DLC1: variants seen among roughly 807,000 people sequenced by gnomAD.
DLC1 encodes rho GTPase-activating protein 7.
DLC1 carries 54 observed loss-of-function variants against 140.3 expected under a neutral mutation model. The observed-to-expected ratio is 0.38, with a 90% CI of 0.31 to 0.48. The LOEUF is 0.48. Ranked by LOEUF, DLC1 falls within the 20% of genes least tolerant of loss-of-function variation. The probability of loss-of-function intolerance (pLI) is 0.96; values close to 1 mark genes in which losing one functional copy is unlikely to be tolerated. For synonymous variants in DLC1, 986 were observed against 728.1 expected, an observed-to-expected ratio of 1.35 and a Z score of -5.70; for missense variants, 2,536 against 1,907.0, an observed-to-expected ratio of 1.33 and a Z score of -6.14.
chr8:13,333,957 C>A (rs1833707606), intron 4 of DLC1, among the ~76,000 whole-genome samples: 1 of 152,112 alleles, frequency 6.6e-6, no homozygotes, highest in Admixed American at 6.5e-5. Context: ...TTTGAAAAGC[C>A]CCTTTGCTCA....
At chr8:13,161,813 G>A (rs187649296) in intron 5 of DLC1, among the ~76,000 whole-genome samples, 3 of 152,220 alleles carry the variant, frequency 2.0e-5, no homozygotes, top group African/African-American at 7.2e-5. Flanking sequence ...TGTGCAATGC[G>A]AACTCATGTT....
intron 14 of DLC1, 89 bp from the exon 15 acceptor site, chr8:13,090,559 T>C (rs1817970208): frequency 1.4e-6 from 2 of 1,471,184 alleles, no homozygotes; most frequent in African/African-American, 1.4e-5. Context: ...GTAGGAACAA[T>C]GGCCTGGTCC....
At chr8:13,194,347 G>A (rs1826931020) in intron 5 of DLC1, among the ~76,000 whole-genome samples, 1 of 152,196 alleles carries the variant, frequency 6.6e-6, no homozygotes, top group Non-Finnish European at 1.5e-5. Context: ...TGAGTGGGCA[G>A]CTATGAATCA....
At chr8:13,102,731 A>T (rs1411509833) in intron 8 of DLC1, 59 bp downstream of exon 8, 21 of 1,436,850 alleles carry the variant, frequency 1.5e-5, no homozygotes, top group Non-Finnish European at 2.1e-5. Flanking sequence ...AAAACACATC[A>T]TTCACTTTTT....
intron 1 of DLC1, among the ~76,000 whole-genome samples, chr8:13,568,802 G>C (rs1012036804): frequency 1.3e-5 from 2 of 152,304 alleles, no homozygotes; most frequent in South Asian, 4.1e-4. Flanking sequence ...ATGTAAAGAT[G>C]ATTTAGTCAT....
intron 5 of DLC1, among the ~76,000 whole-genome samples, chr8:13,273,983 C>T (rs944152554): frequency 6.6e-6 from 1 of 152,096 alleles, no homozygotes; most frequent in Non-Finnish European, 1.5e-5. Context: ...TTAAAAAACA[C>T]TTTTTACCTG....
At chr8:13,129,716 G>A (rs1047113368) in intron 5 of DLC1, among the ~76,000 whole-genome samples, 5 of 152,216 alleles carry the variant, frequency 3.3e-5, no homozygotes, top group Non-Finnish European at 7.3e-5. Context: ...GCATGATGTG[G>A]GTCTGGATGC....
chr8:13,313,619 AG>A, intron 4 of DLC1, among the ~76,000 whole-genome samples: 1 of 152,206 alleles, frequency 6.6e-6, no homozygotes, highest in East Asian at 1.9e-4. Context: ...GAGATTAAAA[AG>A]CAACTACTGT....
chr8:13,097,099 AC>A (rs1209865498), intron 10 of DLC1, among the ~76,000 whole-genome samples: 58 of 152,176 alleles, frequency 3.8e-4, no homozygotes, highest in Non-Finnish European at 7.2e-4. Context: ...AACAATTTGT[AC>A]AATGCATTTC....
chr8:13,372,443 C>T (rs574485149), intron 4 of DLC1, among the ~76,000 whole-genome samples: 120 of 152,226 alleles, frequency 7.9e-4, no homozygotes, highest in Admixed American at 7.8e-3. Context: ...ACTAGCACTC[C>T]AAGAAAATGT....
chr8:13,088,785 C>T (rs1441897551), intron 15 of DLC1, 81 bp from the exon 16 acceptor site: 2 of 1,208,218 alleles, frequency 1.7e-6, no homozygotes, highest in East Asian at 4.7e-5. Context: ...GTTAGACTAA[C>T]AATTTTAGTT....
intron 1 of DLC1, among the ~76,000 whole-genome samples, chr8:13,575,916 A>G (rs1258114511): frequency 2.6e-5 from 4 of 152,218 alleles, no homozygotes; most frequent in African/African-American, 4.8e-5. Flanking sequence ...TATTTTGAGT[A>G]TCTGTGTGGC....
At chr8:13,092,876 T>A (rs1407146667) in intron 12 of DLC1, 51 bp from the exon 13 acceptor site, 2 of 1,568,200 alleles carry the variant, frequency 1.3e-6, no homozygotes, top group East Asian at 4.6e-5. Flanking sequence ...TGCATGGACA[T>A]TGCAAGGAAA....
intron 4 of DLC1, among the ~76,000 whole-genome samples, chr8:13,329,099 G>T (rs552965836): frequency 6.6e-6 from 1 of 152,076 alleles, no homozygotes; most frequent in East Asian, 1.9e-4. Flanking sequence ...AATATCACAG[G>T]AGCATCAACT....
chr8:13,499,324 A>C lies in DLC1; in HGVS notation c.748T>G (p.Cys250Gly). Residue 250 changes from cysteine to glycine, a missense_variant, in exon 2 of 18, where the codon TGC becomes GGC. Physicochemically the swap from Cys to Gly is radical, Grantham distance 159. Transcript: ENST00000276297. Reference sequence around the variant, plus strand: ...AAGAACTCATTTTGTACTACATTGCAGGTGCTTCTTTCATTTTCATCTTTA... The same window carrying C: ...AAGAACTCATTTTGTACTACATTGCCGGTGCTTCTTTCATTTTCATCTTTA... ...PPKDENERST[C>G]NVVQNEFLDT... The C allele has an allele frequency of 6.2e-7, 1 of 1,614,038 alleles. No homozygotes were observed. The highest frequency in any genetic ancestry group is 1.1e-5 in the South Asian group (1 of 91,086).
chr8:13,453,773 T>C (rs1799265771), intron 2 of DLC1, among the ~76,000 whole-genome samples: 1 of 151,502 alleles, frequency 6.6e-6, no homozygotes, highest in African/African-American at 2.4e-5. Flanking sequence ...AGAACTACTA[T>C]TTTACAGTTA....
At position 13,095,157 on chromosome 8, in the gene DLC1, G is replaced by A. The variant is rs766774033; in HGVS notation, c.3256C>T (p.Arg1086Cys). ...CTCTGAGGCAACGGTTGTCCTGTGC[G>A]CTGCACGTTGACCGTCAGTGGGACC... is the stretch of plus-strand genomic sequence containing the variant. ...FGVPLTVNVQ[R>C]TGQPLPQSIQ... is the part of the protein sequence containing the mutation. Residue 1086 changes from arginine to cysteine, a missense_variant, in exon 11 of 18, where the codon CGC becomes TGC. Transcript: ENST00000276297. 10 of 1,614,136 alleles carry A rather than the reference G, an allele frequency of 6.2e-6. No individual in the cohort carries two copies. Among genetic ancestry groups the A allele is most frequent in the South Asian group, 3.3e-5 (3 of 91,092 alleles).
Position 13,170,453 on chromosome 8 carries a change from G to A in DLC1, c.1349-54796C>T, listed in dbSNP as rs189297723. 4.4e-3 allele frequency among the ~76,000 whole-genome samples: 675 copies of A among 152,192 alleles called. 1 individual carries two copies. Among genetic ancestry groups the A allele is most frequent in the Non-Finnish European group, 7.9e-3 (538 of 68,016 alleles). ...CACTTTGAAAATGTGTTTCCGGGCCGGGCGCGGTGGCTCACGCCTGTAATC... is the reference window on the plus strand; with the variant it reads ...CACTTTGAAAATGTGTTTCCGGGCCAGGCGCGGTGGCTCACGCCTGTAATC... On this transcript the variant is annotated intron_variant, in intron 5 of 17. Coordinates refer to ENST00000276297, the MANE Select transcript of DLC1 (RefSeq NM_182643.3).
At chr8:13,567,895 C>T in intron 1 of DLC1, 4 of 1,551,992 alleles carry the variant, frequency 2.6e-6, no homozygotes, top group Non-Finnish European at 3.5e-6. Context: ...TCTGCCATTT[C>T]TCAAGCGACT....
Sources: gnomAD v4.1 joint callset for allele counts (sites outside exome capture counted in the v4.1 genomes callset) on GRCh38, gnomAD v4.1.1 for gene constraint, MANE v1.5 for transcripts, NCBI Gene and HGNC (gene_info 2026-07-23, HGNC 2026-07-21) for gene names.